Variants in PRR18 observed in about 807,000 individuals in gnomAD.
The protein encoded by PRR18 is proline rich 18.
For missense variants in PRR18, 517 were observed against 437.4 expected (o/e 1.18, Z -1.62); for synonymous variants, 228 against 220.2 (o/e 1.04, Z -0.32).
At position 166,307,292 on chromosome 6, in the gene PRR18, C is replaced by A; in HGVS notation, c.851G>T (p.Gly284Val). ...CAGGTGCCGCCGTGAGTCCAGGGCC[C>A]CCGCCCGGCCCCGCGCGGCAGCCGC... ...ESAAAARGRA[G>V]ALDSRRHLST... The change falls in exon 1 of 1, where the codon GGG becomes GTG. Residue 284 changes from glycine (G) to valine (V), a missense_variant. Gly to Val is a moderately radical substitution (Grantham distance 109). Coordinates refer to ENST00000322583, the MANE Select transcript of PRR18 (RefSeq NM_175922.4). The A allele has an allele frequency of 1.3e-6, 2 of 1,526,346 alleles. No individual in the cohort carries two copies. The highest frequency in any genetic ancestry group is 1.4e-5 in the African/African-American group (1 of 70,428). 94.6% of individuals were successfully genotyped at this position (1,526,346 alleles called of 1,614,324 possible).
rs751565954 is a variant in PRR18, at chr6:166,307,659, T to G, written c.484A>C (p.Arg162=). The change falls in exon 1 of 1, where the codon AGG becomes CGG. Residue 162 remains arginine (R), a synonymous_variant. Transcript: ENST00000322583. ...TCGGCCGAGGGTGAGGGGAAGGGCC[T>G]GCGGGGCCGCGCCAGCAGCTGCTTC... ...LEKQLLARPR[R]PFPSPSAEPR... is the part of the protein sequence containing the mutation. 31 of 1,475,206 alleles carry G rather than the reference T, an allele frequency of 2.1e-5. No homozygotes were observed. In the Admixed American group the frequency reaches 6.6e-4, roughly 32 times the overall value. 91.4% of individuals were successfully genotyped at this position (1,475,206 alleles called of 1,614,324 possible).
rs968253934 is a variant in PRR18, at chr6:166,305,638, A to C, written c.*1617T>G. 6.6e-6 allele frequency: 1 copy of C among 152,274 alleles called. No individual in the cohort carries two copies. The highest frequency in any genetic ancestry group is 1.5e-5 in the Non-Finnish European group (1 of 68,082). 9.4% of individuals were successfully genotyped at this position (152,274 alleles called of 1,614,324 possible). ...AAAGGAAATCAAAATGAAGCAGCTG[A>C]CAGGGACGTCAGGGAGACACACAGG... is the stretch of plus-strand genomic sequence containing the variant. On this transcript the variant is annotated 3_prime_UTR_variant, in exon 1 of 1. Coordinates refer to ENST00000322583, the MANE Select transcript of PRR18 (RefSeq NM_175922.4).
Position 166,307,502 on chromosome 6 carries a change from A to C in PRR18, c.641T>G (p.Leu214Arg), listed in dbSNP as rs745560683. Residue 214 changes from leucine to arginine, a missense_variant, in exon 1 of 1, where the codon CTG becomes CGG. Leu to Arg is a moderately radical substitution (Grantham distance 102). Coordinates refer to ENST00000322583, the MANE Select transcript of PRR18 (RefSeq NM_175922.4). ...GRRAPPPGAQ[L>R]LHGGLQVPQL... The stretch of plus-strand genomic sequence containing the variant: ...GGGAACCTGCAGGCCGCCGTGCAGC[A>C]GCTGGGCGCCGGGCGGAGGCGCGCG... 1 of 1,290,416 alleles carries C rather than the reference A, an allele frequency of 7.7e-7. No individual in the cohort carries two copies. Among genetic ancestry groups the C allele is most frequent in the Non-Finnish European group, 9.8e-7 (1 of 1,021,436 alleles). The allele number at this position is 1,290,416 out of a possible 1,614,324, so 79.9% of individuals were successfully genotyped here.
chr6:166,307,803 T>A lies in PRR18; in HGVS notation c.340A>T (p.Thr114Ser). Reference sequence around the variant, plus strand: ...GAGGTGCCCGCGGCGGTGGTCCCCGTCCCCGCCGAGGTCGCCGCATAGGTG... The same window carrying A: ...GAGGTGCCCGCGGCGGTGGTCCCCGACCCCGCCGAGGTCGCCGCATAGGTG... The part of the protein sequence containing the change: ...RTTYAATSAG[T>S]GTTAAGTSSG... Residue 114 changes from threonine to serine, a missense_variant, in exon 1 of 1, where the codon ACG becomes TCG. Thr to Ser is a moderately conservative substitution (Grantham distance 58). Transcript: ENST00000322583. 7.0e-7 allele frequency: 1 copy of A among 1,418,562 alleles called. No individual in the cohort carries two copies. Among genetic ancestry groups the A allele is most frequent in the Non-Finnish European group, 9.3e-7 (1 of 1,076,226 alleles). The allele number at this position is 1,418,562 out of a possible 1,614,324, so 87.9% of individuals were successfully genotyped here. A position where few individuals can be genotyped will look rare whatever the true frequency, so the allele number is the denominator to read the frequency against.
At position 166,307,371 on chromosome 6, in the gene PRR18, C is replaced by T; in HGVS notation, c.772G>A (p.Val258Met). 6.3e-7 allele frequency: 1 copy of T among 1,579,950 alleles called. No individual in the cohort carries two copies. The highest frequency in any genetic ancestry group is 2.4e-5 in the East Asian group (1 of 42,268). Residue 258 changes from valine (V) to methionine (M), a missense_variant, in exon 1 of 1, where the codon GTG becomes ATG. Val to Met is a conservative substitution (Grantham distance 21, BLOSUM62 1). Coordinates refer to ENST00000322583, the MANE Select transcript of PRR18 (RefSeq NM_175922.4). ...CACTTGCGTACCAGGCCCTCGTCCA[C>T]CGCCTCTGGCTCCTCCTCGTACTCC... ...DVEYEEEPEAVDEGLVRKCTE... is the reference protein window; with the variant it reads ...DVEYEEEPEAMDEGLVRKCTE...
chr6:166,307,934 G>A lies in PRR18; in HGVS notation c.209C>T (p.Pro70Leu). 3 of 1,227,110 alleles carry A rather than the reference G, an allele frequency of 2.4e-6. No homozygotes were observed. Among genetic ancestry groups the A allele is most frequent in the Non-Finnish European group, 2.0e-6 (2 of 981,466 alleles). The allele number at this position is 1,227,110 out of a possible 1,614,324, so 76.0% of individuals were successfully genotyped here. ...RGPGLDRTQPPAPPGVSPQAL... is the reference protein window; with the variant it reads ...RGPGLDRTQPLAPPGVSPQAL... ...CTGGGGGGAGACGCCCGGAGGGGCCGGCGGCTGCGTCCTGTCCAGGCCGGG... is the reference window on the plus strand; with the variant it reads ...CTGGGGGGAGACGCCCGGAGGGGCCAGCGGCTGCGTCCTGTCCAGGCCGGG... The change falls in exon 1 of 1, where the codon CCG (proline) becomes CTG (leucine). Residue 70 changes from proline to leucine, a missense_variant. Pro to Leu is a moderately conservative substitution (Grantham distance 98). Coordinates refer to ENST00000322583, the MANE Select transcript of PRR18 (RefSeq NM_175922.4).
At position 166,307,070 on chromosome 6, in the gene PRR18, G is replaced by T. The variant is rs984016665; in HGVS notation, c.*185C>A. ...GCTGCCGGCTGGCGAGGGCAGGAGG[G>T]GGGCCGTGGCCGTCGGGCGAGTCTG... On this transcript the variant is annotated 3_prime_UTR_variant, in exon 1 of 1. Coordinates refer to ENST00000322583, the MANE Select transcript of PRR18 (RefSeq NM_175922.4). 1 of 557,952 alleles carries T rather than the reference G, an allele frequency of 1.8e-6. No homozygotes were observed. Among genetic ancestry groups the T allele is most frequent in the Non-Finnish European group, 2.9e-6 (1 of 349,498 alleles). The allele number at this position is 557,952 out of a possible 1,614,324, so 34.6% of individuals were successfully genotyped here.
In PRR18 at chr6:166,306,341, A is replaced by T. The variant is rs1000964165; in HGVS notation, c.*914T>A. 6.6e-6 allele frequency: 1 copy of T among 152,254 alleles called. No homozygotes were observed. Among genetic ancestry groups the T allele is most frequent in the African/African-American group, 2.4e-5 (1 of 41,476 alleles). 9.4% of individuals were successfully genotyped at this position (152,254 alleles called of 1,614,324 possible). The stretch of plus-strand genomic sequence containing the variant: ...TTAAACCAGTTATTGGCTTTTACAA[A>T]GTCAGTCAAAAATTGAGGTAATACA... On this transcript the variant is annotated 3_prime_UTR_variant, in exon 1 of 1. Transcript: ENST00000322583.
Position 166,307,010 on chromosome 6 carries a change from G to C in PRR18, c.*245C>G, listed in dbSNP as rs1318444625. 1 of 430,128 alleles carries C rather than the reference G, an allele frequency of 2.3e-6. No individual in the cohort carries two copies. Among genetic ancestry groups the C allele is most frequent in the Non-Finnish European group, 4.1e-6 (1 of 245,082 alleles). The allele number at this position is 430,128 out of a possible 1,614,324, so 26.6% of individuals were successfully genotyped here. On this transcript the variant is annotated 3_prime_UTR_variant, in exon 1 of 1. Transcript: ENST00000322583. ...AGTGGGGGCAGAGGCAGGCATCTGG[G>C]GTAGATACCACCGGTGTGAACGAGA...
Position 166,307,384 on chromosome 6 carries a change from C to T in PRR18, c.759G>A (p.Glu253=), listed in dbSNP as rs1488989063. The T allele has an allele frequency of 1.3e-6, 2 of 1,578,032 alleles. No homozygotes were observed. The highest frequency in any genetic ancestry group is 1.7e-5 in the Admixed American group (1 of 57,676). The change falls in exon 1 of 1, where the codon GAG becomes GAA. Residue 253 remains glutamate (E), a synonymous_variant. Transcript: ENST00000322583. Reference sequence around the variant, plus strand: ...GGCCCTCGTCCACCGCCTCTGGCTCCTCCTCGTACTCCACGTCGTCGTACC... The same window carrying T: ...GGCCCTCGTCCACCGCCTCTGGCTCTTCCTCGTACTCCACGTCGTCGTACC... ...RHRYDDVEYE[E]EPEAVDEGLV...
chr6:166,305,802 TTAA>T lies in PRR18; in HGVS notation c.*1450_*1452del, dbSNP rs1778086888. 1 of 152,242 alleles carries T rather than the reference TTAA, an allele frequency of 6.6e-6. No individual in the cohort carries two copies. The highest frequency in any genetic ancestry group is 1.5e-5 in the Non-Finnish European group (1 of 68,046). 9.4% of individuals were successfully genotyped at this position (152,242 alleles called of 1,614,324 possible). A position where few individuals can be genotyped will look rare whatever the true frequency, so the allele number is the denominator to read the frequency against. On this transcript the variant is annotated 3_prime_UTR_variant, in exon 1 of 1. Coordinates refer to ENST00000322583, the MANE Select transcript of PRR18 (RefSeq NM_175922.4). ...GACCAAGGGCAGAAGTCTAGGCATC[TTAA>T]TTATTGGTATTTGCACTAAGTGCAA...
At position 166,305,580 on chromosome 6, in the gene PRR18, C is replaced by G. The variant is rs1287555045; in HGVS notation, c.*1675G>C. The G allele has an allele frequency of 6.6e-6, 1 of 152,136 alleles. No homozygotes were observed. The highest frequency in any genetic ancestry group is 1.5e-5 in the Non-Finnish European group (1 of 68,058). 9.4% of individuals were successfully genotyped at this position (152,136 alleles called of 1,614,324 possible). A position where few individuals can be genotyped will look rare whatever the true frequency, so the allele number is the denominator to read the frequency against. Reference sequence around the variant, plus strand: ...TGTGGCCAGTTAAGAACAGGAGATGCTGGGACAGAGCCTACAGAAAGGGCG... The same window carrying G: ...TGTGGCCAGTTAAGAACAGGAGATGGTGGGACAGAGCCTACAGAAAGGGCG... On this transcript the variant is annotated 3_prime_UTR_variant, in exon 1 of 1. Transcript: ENST00000322583.
In PRR18 at chr6:166,308,093, T is replaced by C. The variant is rs112883320; in HGVS notation, c.50A>G (p.Gln17Arg). 4 of 1,233,738 alleles carry C rather than the reference T, an allele frequency of 3.2e-6. No individual in the cohort carries two copies. The highest frequency in any genetic ancestry group is 3.1e-5 in the African/African-American group (2 of 64,116). The allele number at this position is 1,233,738 out of a possible 1,614,324, so 76.4% of individuals were successfully genotyped here. Reference sequence around the variant, plus strand: ...CCTCCGGGGTAACTGGCGCGCGGCTTGGGCCCCCGGGGCGGGGGCGGGCGG... The same window carrying C: ...CCTCCGGGGTAACTGGCGCGCGGCTCGGGCCCCCGGGGCGGGGGCGGGCGG... ...PPPPAPAPGA[Q>R]AARQLPRRPC... The change falls in exon 1 of 1, where the codon CAA (glutamine) becomes CGA (arginine). Residue 17 changes from glutamine (Q) to arginine (R), a missense_variant. Gln to Arg is a conservative substitution (Grantham distance 43). Coordinates refer to ENST00000322583, the MANE Select transcript of PRR18 (RefSeq NM_175922.4).
At position 166,306,740 on chromosome 6, in the gene PRR18, G is replaced by A. The variant is rs796947947; in HGVS notation, c.*515C>T. ...GAATGTAGGACCGGGTCCCAGCTCT[G>A]CAGGAGGCCACCGTCGCGGCCACCC... is the stretch of plus-strand genomic sequence containing the variant. On this transcript the variant is annotated 3_prime_UTR_variant, in exon 1 of 1. Coordinates refer to ENST00000322583, the MANE Select transcript of PRR18 (RefSeq NM_175922.4). 25 of 153,732 alleles carry A rather than the reference G, an allele frequency of 1.6e-4. No individual in the cohort carries two copies. The highest frequency in any genetic ancestry group is 5.9e-4 in the Admixed American group (9 of 15,340). The allele number at this position is 153,732 out of a possible 1,614,324, so 9.5% of individuals were successfully genotyped here. A position where few individuals can be genotyped will look rare whatever the true frequency, so the allele number is the denominator to read the frequency against.
In PRR18 at chr6:166,307,352, C is replaced by A. The variant is rs1778113740; in HGVS notation, c.791G>T (p.Arg264Leu). The change falls in exon 1 of 1, where the codon CGC becomes CTC. Residue 264 changes from arginine (R) to leucine (L), a missense_variant. By Grantham distance (102) the Arg-to-Leu change is moderately radical (BLOSUM62 -2). Transcript: ENST00000322583. ...EPEAVDEGLV[R>L]KCTEWLRGVE... ...GCCGCGCAGCCACTCCGTGCACTTG[C>A]GTACCAGGCCCTCGTCCACCGCCTC... 3 of 1,578,044 alleles carry A rather than the reference C, an allele frequency of 1.9e-6. No homozygotes were observed. The highest frequency in any genetic ancestry group is 1.1e-5 in the South Asian group (1 of 88,042).
chr6:166,307,545 T>TG lies in PRR18; in HGVS notation c.597dup (p.Thr200HisfsTer207), dbSNP rs1017104205. 2.5e-6 allele frequency: 3 copies of TG among 1,209,800 alleles called. No individual in the cohort carries two copies. The highest frequency in any genetic ancestry group is 3.1e-6 in the Non-Finnish European group (3 of 975,644). The allele number at this position is 1,209,800 out of a possible 1,614,324, so 74.9% of individuals were successfully genotyped here. The stretch of plus-strand genomic sequence containing the variant: ...GGCGCGCGGCGGCCCTGGCCGGCGG[T>TG]GGGGGGTGCGTCGGGGTCGCTGGCG... On this transcript the variant is annotated frameshift_variant, in exon 1 of 1. Coordinates refer to ENST00000322583, the MANE Select transcript of PRR18 (RefSeq NM_175922.4). LOFTEE classifies it low-confidence loss of function (END_TRUNC).
At position 166,307,329 on chromosome 6, in the gene PRR18, C is replaced by T. The variant is rs1040403159; in HGVS notation, c.814G>A (p.Gly272Ser). 3.8e-6 allele frequency: 6 copies of T among 1,564,778 alleles called. No homozygotes were observed. The highest frequency in any genetic ancestry group is 4.3e-6 in the Non-Finnish European group (5 of 1,164,388). Residue 272 changes from glycine (G) to serine (S), a missense_variant, in exon 1 of 1, where the codon GGC (glycine) becomes AGC (serine). By Grantham distance (56) the Gly-to-Ser change is moderately conservative. Transcript: ENST00000322583. ...LVRKCTEWLR[G>S]VESAAAARGR... ...CGCGCGGCAGCCGCGGACTCCACGC[C>T]GCGCAGCCACTCCGTGCACTTGCGT...
chr6:166,307,543 G>A lies in PRR18; in HGVS notation c.600C>T (p.Thr200=), dbSNP rs1778119489. The change falls in exon 1 of 1, where the codon ACC becomes ACT. Residue 200 remains threonine, a synonymous_variant. Coordinates refer to ENST00000322583, the MANE Select transcript of PRR18 (RefSeq NM_175922.4). The part of the protein sequence containing the change: ...GPASDPDAPP[T]AGQGRRAPPP... ...GAGGCGCGCGGCGGCCCTGGCCGGC[G>A]GTGGGGGGTGCGTCGGGGTCGCTGG... 2 of 1,213,654 alleles carry A rather than the reference G, an allele frequency of 1.6e-6. No homozygotes were observed. The highest frequency in any genetic ancestry group is 1.6e-5 in the African/African-American group (1 of 63,164). The allele number at this position is 1,213,654 out of a possible 1,614,324, so 75.2% of individuals were successfully genotyped here.
chr6:166,307,878 T>A lies in PRR18; in HGVS notation c.265A>T (p.Thr89Ser). 1.6e-6 allele frequency: 2 copies of A among 1,242,794 alleles called. No homozygotes were observed. The highest frequency in any genetic ancestry group is 1.6e-5 in the African/African-American group (1 of 63,536). The allele number at this position is 1,242,794 out of a possible 1,614,324, so 77.0% of individuals were successfully genotyped here. A position where few individuals can be genotyped will look rare whatever the true frequency, so the allele number is the denominator to read the frequency against. ...CCTGCCGGCCGGGGCGGGGCGCACG[T>A]GGCTGGGGCCCGCGCGCGGCTGGGC... Reference protein sequence around the residue: ...ALPSRARAPATCAPPRPAGSG... With the variant: ...ALPSRARAPASCAPPRPAGSG... The change falls in exon 1 of 1, where the codon ACG becomes TCG. Residue 89 changes from threonine (T) to serine (S), a missense_variant. Physicochemically the swap from Thr to Ser is moderately conservative, Grantham distance 58. Transcript: ENST00000322583.
Sources: gnomAD v4.1 joint callset for allele counts on GRCh38, gnomAD v4.1.1 for gene constraint, MANE v1.5 for transcripts, NCBI Gene and HGNC (gene_info 2026-07-23, HGNC 2026-07-21) for gene names.